BCAS3: variants seen among roughly 807,000 people sequenced by gnomAD.
BCAS3 encodes BCAS3 microtubule associated cell migration factor, also known as BCAS4/BCAS3 fusion.
Under a neutral mutation model 116.1 loss-of-function variants are expected in BCAS3, and 53 were observed. The observed-to-expected ratio is 0.46, with a 90% CI of 0.37 to 0.57. The LOEUF (loss-of-function observed/expected upper bound fraction) is 0.57, where lower values mean the gene tolerates loss of function less well. BCAS3 is among the 20% of genes least tolerant of loss of function. The probability of loss-of-function intolerance (pLI) is 0.00; values close to 1 mark genes in which losing one functional copy is unlikely to be tolerated. For missense variants in BCAS3, 917 were observed against 1,165.4 expected, an observed-to-expected ratio of 0.79 and a Z score of 3.10; for synonymous variants, 391 against 408.2, an observed-to-expected ratio of 0.96 and a Z score of 0.51.
At chr17:61,166,229 C>G (rs2078482333) in intron 22 of BCAS3, among the ~76,000 whole-genome samples, 1 of 152,136 alleles carries the variant, frequency 6.6e-6, no homozygotes, top group African/African-American at 2.4e-5. Context: ...TATAAAGTAT[C>G]TTATTTAACT....
At chr17:61,209,322 A>C (rs1455702921) in intron 22 of BCAS3, among the ~76,000 whole-genome samples, 1 of 152,218 alleles carries the variant, frequency 6.6e-6, no homozygotes, top group Admixed American at 6.5e-5. Context: ...TGTTGCTGAA[A>C]ATCGTGATTG....
At position 61,326,651 on chromosome 17, in the gene BCAS3, C is replaced by G. The variant is rs1159264454; in HGVS notation, c.2426-41676C>G. 6.6e-6 allele frequency among the ~76,000 whole-genome samples: 1 copy of G among 152,188 alleles called. No individual in the cohort carries two copies. The highest frequency in any genetic ancestry group is 2.4e-5 in the African/African-American group (1 of 41,446). On this transcript the variant is annotated intron_variant, in intron 22 of 23. Coordinates refer to ENST00000407086, the MANE Select transcript of BCAS3 (RefSeq NM_017679.5). The surrounding 1 kb of genome is among the most constrained non-coding windows in gnomAD (Gnocchi z 5.3). ...TGGAGAGGAAGAGATGTTAAGGATG[C>G]TCCCCAGTTTTCTGGCTTACTTCAC...
In BCAS3 at chr17:61,131,598, A is replaced by G. The variant is rs7220223; in HGVS notation, c.2425+47034A>G. Among the ~76,000 whole-genome samples the G allele has an allele frequency of 0.96, 146,051 of 152,316 alleles. 70,352 individuals are homozygous for G. Among genetic ancestry groups the G allele is most frequent in the East Asian group, 1 (5,182 of 5,182 alleles). On this transcript the variant is annotated intron_variant, in intron 22 of 23. Transcript: ENST00000407086. This position sits in a 1 kb window ranked among gnomAD's most constrained non-coding sequence, Gnocchi z 4.4. ...TCCTTCTTCATTAATTTATTTCTCCATAAAGGCCTTTCTTCCTTGAGGTCT... is the reference window on the plus strand; with the variant it reads ...TCCTTCTTCATTAATTTATTTCTCCGTAAAGGCCTTTCTTCCTTGAGGTCT...
chr17:61,320,950 G>A (rs1391957806), intron 22 of BCAS3, among the ~76,000 whole-genome samples: 1 of 152,116 alleles, frequency 6.6e-6, no homozygotes, highest in African/African-American at 2.4e-5. Context: ...TCTCAGATGA[G>A]CATTAAAGCA....
At chr17:61,341,386 C>T (rs1032777999) in intron 22 of BCAS3, among the ~76,000 whole-genome samples, 6 of 152,162 alleles carry the variant, frequency 3.9e-5, no homozygotes, top group Admixed American at 1.3e-4. Flanking sequence ...TCCCCAAATA[C>T]GGCAGTTTAG....
intron 22 of BCAS3, among the ~76,000 whole-genome samples, chr17:61,147,379 C>T (rs951295169): frequency 6.6e-6 from 1 of 151,912 alleles, no homozygotes; most frequent in Non-Finnish European, 1.5e-5. Context: ...CCCGGCCATA[C>T]CTGGCTAATT....
intron 19 of BCAS3, among the ~76,000 whole-genome samples, chr17:61,072,445 T>G (rs956000857): frequency 2.6e-5 from 4 of 152,116 alleles, no homozygotes; most frequent in African/African-American, 9.7e-5. Flanking sequence ...GTCCAGCCAT[T>G]CTAGTGCCGT....
At chr17:61,109,649 T>C (rs932327078) in intron 22 of BCAS3, among the ~76,000 whole-genome samples, 1 of 152,058 alleles carries the variant, frequency 6.6e-6, no homozygotes, top group African/African-American at 2.4e-5. Context: ...CTTGCAGGAG[T>C]GAGGTGGTAT....
In BCAS3 at chr17:61,337,601, G is replaced by C. The variant is rs578221215; in HGVS notation, c.2426-30726G>C. Among the ~76,000 whole-genome samples the C allele has an allele frequency of 1.3e-5, 2 of 152,228 alleles. No individual in the cohort carries two copies. The highest frequency in any genetic ancestry group is 1.3e-4 in the Admixed American group (2 of 15,282). ...TTCCATGTGAACAGCCTCTGCGTCT[G>C]TTACTCTCCGAAGAAAATTACAGTT... On this transcript the variant is annotated intron_variant, in intron 22 of 23. Transcript: ENST00000407086. The surrounding 1 kb of genome is among the most constrained non-coding windows in gnomAD (Gnocchi z 4.8).
chr17:60,688,652 C>T (rs2034410005), intron 3 of BCAS3, among the ~76,000 whole-genome samples: 1 of 151,720 alleles, frequency 6.6e-6, no homozygotes, highest in Non-Finnish European at 1.5e-5. Context: ...CCGTCTCCAC[C>T]AAAAAGACAA....
chr17:61,311,850 C>T (rs1345847981), intron 22 of BCAS3, among the ~76,000 whole-genome samples: 1 of 152,090 alleles, frequency 6.6e-6, no homozygotes, highest in African/African-American at 2.4e-5. Context: ...GTTGAGATCA[C>T]GCTACTGCAC....
chr17:60,788,857 A>G (rs1225145693), intron 6 of BCAS3, among the ~76,000 whole-genome samples: 1 of 152,182 alleles, frequency 6.6e-6, no homozygotes, highest in African/African-American at 2.4e-5. Flanking sequence ...GACAGAATCT[A>G]AAAATTTACA....
intron 7 of BCAS3, among the ~76,000 whole-genome samples, chr17:60,849,298 T>A (rs2052836865): frequency 6.6e-6 from 1 of 151,788 alleles, no homozygotes; most frequent in South Asian, 2.1e-4. Context: ...TTTTTTTTAA[T>A]CTGCTGTCTT....
intron 22 of BCAS3, among the ~76,000 whole-genome samples, chr17:61,167,231 C>A (rs1427203116): frequency 6.6e-6 from 1 of 152,112 alleles, no homozygotes; most frequent in Non-Finnish European, 1.5e-5. Flanking sequence ...TACCACAAGG[C>A]ACTATATGAG....
At chr17:60,911,741 A>G (rs2058527730) in intron 12 of BCAS3, among the ~76,000 whole-genome samples, 1 of 152,174 alleles carries the variant, frequency 6.6e-6, no homozygotes, top group South Asian at 2.1e-4. Context: ...AGCCACGTAA[A>G]TTTTGTTTTA....
At chr17:60,948,662 G>A (rs2145253748) in intron 14 of BCAS3, among the ~76,000 whole-genome samples, 1 of 152,176 alleles carries the variant, frequency 6.6e-6, no homozygotes, top group East Asian at 1.9e-4. Flanking sequence ...GACTATAATG[G>A]ATTGAAATGT....
In BCAS3 at chr17:61,140,715, ATT is replaced by A. The variant is rs1266632356; in HGVS notation, c.2425+56156_2425+56157del. 6.6e-6 allele frequency among the ~76,000 whole-genome samples: 1 copy of A among 152,024 alleles called. No homozygotes were observed. The highest frequency in any genetic ancestry group is 2.4e-5 in the African/African-American group (1 of 41,364). ...GTCAATTAAAAGCTAATTGTTTGTG[ATT>A]TTTTAAGTTAATAAATATATATTTA... On this transcript the variant is annotated intron_variant, in intron 22 of 23. Transcript: ENST00000407086. The surrounding 1 kb of genome is among the most constrained non-coding windows in gnomAD (Gnocchi z 4.2).
At chr17:60,789,112 A>C (rs1026138676) in intron 6 of BCAS3, among the ~76,000 whole-genome samples, 3 of 152,202 alleles carry the variant, frequency 2.0e-5, no homozygotes, top group African/African-American at 7.2e-5. Flanking sequence ...TATTTTTCTC[A>C]GTGAAAATTG....
At chr17:60,997,262 A>G (rs1479790789) in intron 15 of BCAS3, among the ~76,000 whole-genome samples, 1 of 152,194 alleles carries the variant, frequency 6.6e-6, no homozygotes, top group South Asian at 2.1e-4. Flanking sequence ...ACAGACCGGT[A>G]CCAGTCCACC....
Sources: gnomAD v4.1 joint callset for allele counts (sites outside exome capture counted in the v4.1 genomes callset) on GRCh38, gnomAD v4.1.1 for gene constraint, Gnocchi (gnomAD v3.1) non-coding constraint, MANE v1.5 for transcripts, NCBI Gene and HGNC (gene_info 2026-07-23, HGNC 2026-07-21) for gene names.